The following OC90 variants were observed in gnomAD, a reference collection of about 807,000 sequenced individuals.
OC90 encodes the protein otoconin-90.
OC90 carries 46 observed loss-of-function variants against 47.3 expected under a neutral mutation model. The observed-to-expected ratio is 0.97, with a 90% CI of 0.77 to 1.24. The LOEUF (loss-of-function observed/expected upper bound fraction) is 1.24, where lower values mean the gene tolerates loss of function less well. Among genes scored for constraint, OC90 ranks in the 50% most tolerant of loss-of-function variants. OC90 has a pLI of 0.00. For missense variants in OC90, 688 were observed against 583.9 expected (o/e 1.18, Z -1.84); for synonymous variants, 271 against 219.5 (o/e 1.23, Z -2.07).
intron 12 of OC90, among the ~76,000 whole-genome samples, chr8:132,029,419 T>C (rs1434412879): frequency 1.3e-5 from 2 of 152,244 alleles, no homozygotes; most frequent in East Asian, 3.8e-4. Context: ...CATCTTATTA[T>C]TTAAAAACAT....
intron 6 of OC90, among the ~76,000 whole-genome samples, chr8:132,040,610 C>G (rs1202561263): frequency 6.6e-6 from 1 of 152,188 alleles, no homozygotes; most frequent in Non-Finnish European, 1.5e-5. Flanking sequence ...GAGTTCTTAA[C>G]ATATGTCGCT....
Position 132,024,287 on chromosome 8 carries a change from C to T in OC90, c.*194G>A. On this transcript the variant is annotated 3_prime_UTR_variant, in exon 14 of 14. Coordinates refer to ENST00000254627, the MANE Select transcript of OC90 (RefSeq NM_001080399.3). ...ATGGAGGTACCATGGTGTGCCTTCTCCAAGTGTACATTGGCTTGTGAGGTG... is the reference window on the plus strand; with the variant it reads ...ATGGAGGTACCATGGTGTGCCTTCTTCAAGTGTACATTGGCTTGTGAGGTG... 2 of 508,424 alleles carry T rather than the reference C, an allele frequency of 3.9e-6. No individual in the cohort carries two copies. Among genetic ancestry groups the T allele is most frequent in the Non-Finnish European group, 6.9e-6 (2 of 287,850 alleles). 31.5% of individuals were successfully genotyped at this position (508,424 alleles called of 1,614,324 possible). A position where few individuals can be genotyped will look rare whatever the true frequency, so the allele number is the denominator to read the frequency against.
chr8:132,024,512 G>A lies in OC90; in HGVS notation c.1403C>T (p.Pro468Leu), dbSNP rs761441732. 13 of 1,582,660 alleles carry A rather than the reference G, an allele frequency of 8.2e-6. No homozygotes were observed. The East Asian group carries it at 2.9e-4, about 36-fold the overall frequency. ...TCCATGAAGAGGCCCGATCCCCAAG[G>A]GACCCAGTGACTTCCGCAGAAACCT... ...AKRFLRKSLG[P>L]LGIGPLHGR Residue 468 changes from proline to leucine, a missense_variant, in exon 14 of 14, where the codon CCC becomes CTC. Coordinates refer to ENST00000254627, the MANE Select transcript of OC90 (RefSeq NM_001080399.3).
chr8:132,038,159 G>A (rs1203383651), intron 8 of OC90, among the ~76,000 whole-genome samples: 1 of 152,190 alleles, frequency 6.6e-6, no homozygotes, highest in African/African-American at 2.4e-5. Flanking sequence ...GGAGTGGCAG[G>A]CATAAACCTG....
intron 10 of OC90, among the ~76,000 whole-genome samples, chr8:132,034,420 G>T (rs1378684725): frequency 6.6e-6 from 1 of 152,202 alleles, no homozygotes; most frequent in Non-Finnish European, 1.5e-5. Context: ...CCAGGATTAA[G>T]ACTCTCCAGC....
chr8:132,041,638 G>T lies in OC90; in HGVS notation c.231C>A (p.Ile77=). ...CACACTTCATACCATTGACAAACTG[G>T]ATCAGCACAGGGAAATTGGTGAAGA... ...QAVFTNFPVL[I]QFVNGMKCVA... The change falls in exon 5 of 14, where the codon ATC becomes ATA. Residue 77 remains isoleucine (I), a synonymous_variant. Transcript: ENST00000254627. 1.3e-6 allele frequency: 2 copies of T among 1,598,414 alleles called. No individual in the cohort carries two copies. The highest frequency in any genetic ancestry group is 1.7e-6 in the Non-Finnish European group (2 of 1,171,248).
intron 2 of OC90, among the ~76,000 whole-genome samples, chr8:132,048,652 T>C: frequency 6.6e-6 from 1 of 151,572 alleles, no homozygotes; most frequent in East Asian, 1.9e-4. Flanking sequence ...ATCAAGGGAA[T>C]GGACAGAATG....
At chr8:132,028,526 AAAAGAAAGAAAGAAAGAAAG>A (rs372685836) in intron 13 of OC90, among the ~76,000 whole-genome samples, 36,241 of 87,074 alleles carry the variant, frequency 0.42, 8,263 homozygotes, top group East Asian at 0.57. Flanking sequence ...AGAAAGAAAG[AAAAGAAAGAAAGAAAGAAAG>A]AAAGAAAGAA....
chr8:132,041,436 T>G, intron 5 of OC90, 89 bp downstream of exon 5: 1 of 1,221,418 alleles, frequency 8.2e-7, no homozygotes, highest in Non-Finnish European at 1.2e-6. Flanking sequence ...TCCAGGGGCT[T>G]TTCTGTATTT....
intron 5 of OC90, 31 bp from the exon 6 acceptor site, chr8:132,041,187 G>A (rs200749425): frequency 1.4e-6 from 2 of 1,419,358 alleles, no homozygotes; most frequent in Non-Finnish European, 2.0e-6. Context: ...GGCAGGGTGA[G>A]AGTGTGGGTT....
chr8:132,025,324 T>C (rs1822741334), intron 13 of OC90, among the ~76,000 whole-genome samples: 1 of 152,202 alleles, frequency 6.6e-6, no homozygotes, highest in Non-Finnish European at 1.5e-5. Flanking sequence ...ACCTTGAGCT[T>C]GTGGGCAACT....
At chr8:132,032,843 C>T (rs1441974176) in intron 11 of OC90, among the ~76,000 whole-genome samples, 196 bp downstream of exon 11, 1 of 152,146 alleles carries the variant, frequency 6.6e-6, no homozygotes, top group African/African-American at 2.4e-5. Flanking sequence ...CCAGGCTCAG[C>T]CTCCCAGTGG....
chr8:132,051,091 C>T (rs1270847000), intron 2 of OC90, among the ~76,000 whole-genome samples: 1 of 152,162 alleles, frequency 6.6e-6, no homozygotes, highest in Non-Finnish European at 1.5e-5. Context: ...AAGGGAAAAA[C>T]AACAGGGTTT....
At chr8:132,032,157 G>T in intron 11 of OC90, 105 bp from the exon 12 acceptor site, 1 of 978,390 alleles carries the variant, frequency 1.0e-6, no homozygotes, top group Non-Finnish European at 1.6e-6. Flanking sequence ...CTCTAGTCAT[G>T]CAAAGGAACC....
At chr8:132,055,356 G>T (rs1279635669) in intron 1 of OC90, among the ~76,000 whole-genome samples, 2 of 152,138 alleles carry the variant, frequency 1.3e-5, no homozygotes, top group African/African-American at 4.8e-5. Flanking sequence ...TGATTCCATG[G>T]TCATTTCTTC....
chr8:132,038,687 C>A, intron 8 of OC90, 103 bp downstream of exon 8: 3 of 885,462 alleles, frequency 3.4e-6, no homozygotes, highest in South Asian at 2.8e-5. Flanking sequence ...CACAGTCACT[C>A]CAGCTCCAGT....
Position 132,024,566 on chromosome 8 carries a change from G to T in OC90, c.1349C>A (p.Pro450His). 1.2e-6 allele frequency: 2 copies of T among 1,612,638 alleles called. No individual in the cohort carries two copies. The highest frequency in any genetic ancestry group is 2.7e-5 in the African/African-American group (2 of 75,030). ...GGCTCTGCCGAGGTCCTCCTGTGGAGGGTCCTCCTCGCTGTCCTCCTCAGA... is the reference window on the plus strand; with the variant it reads ...GGCTCTGCCGAGGTCCTCCTGTGGATGGTCCTCCTCGCTGTCCTCCTCAGA... The part of the protein sequence containing the change: ...SSSEEDSEED[P>H]PQEDLGRAKR... The change falls in exon 14 of 14, where the codon CCT becomes CAT. Residue 450 changes from proline (P) to histidine (H), a missense_variant. Transcript: ENST00000254627.
Position 132,041,689 on chromosome 8 carries a change from GCCCAGGCAATCTGTGGGGGT to G in OC90, c.170-10_179del. ...CAGCCTGCAGCCAGGTGAAGTGGGG[GCCCAGGCAATCTGTGGGGGT>G]GGGGGGCAGGGCCTGATAAGCACTG... On this transcript the variant is annotated splice_acceptor_variant and splice_polypyrimidine_tract_variant and coding_sequence_variant and intron_variant, in exon 5 of 14. Transcript: ENST00000254627. LOFTEE classifies it high-confidence loss of function. 1.3e-6 allele frequency: 2 copies of G among 1,579,988 alleles called. No homozygotes were observed. Among genetic ancestry groups the G allele is most frequent in the Admixed American group, 1.8e-5 (1 of 56,394 alleles).
In OC90 at chr8:132,055,068, G is replaced by A. The variant is rs4736538; in HGVS notation, c.-42C>T. 0.62 allele frequency: 943,405 copies of A among 1,518,244 alleles called. 297,026 individuals are homozygous for A. The highest frequency in any genetic ancestry group is 0.65 in the Non-Finnish European group (728,146 of 1,118,628). The allele number at this position is 1,518,244 out of a possible 1,614,324, so 94.0% of individuals were successfully genotyped here. A position where few individuals can be genotyped will look rare whatever the true frequency, so the allele number is the denominator to read the frequency against. On this transcript the variant is annotated 5_prime_UTR_variant, in exon 2 of 14. Transcript: ENST00000254627. ...ATGGGGCTTAGGCAGCAACTGGAAC[G>A]GACTCCTGGGAGAGAAGCCAGCAGA...
Sources: allele counts gnomAD v4.1 joint callset (sites outside exome capture counted in the v4.1 genomes callset), GRCh38; gene constraint gnomAD v4.1.1; transcripts MANE v1.5; gene names NCBI Gene and HGNC (gene_info 2026-07-23, HGNC 2026-07-21).